The following CACNA1D variants were observed in gnomAD, a reference collection of about 807,000 sequenced individuals.
CACNA1D encodes the protein voltage-dependent L-type calcium channel subunit alpha-1D.
Under a neutral mutation model 257.1 loss-of-function variants are expected in CACNA1D, and 55 were observed. The ratio of observed to expected loss-of-function variants is 0.21; its 90% CI spans 0.17 to 0.27. The LOEUF (loss-of-function observed/expected upper bound fraction) is 0.27. Ranked by LOEUF, CACNA1D falls within the 10% of genes least tolerant of loss-of-function variation. The pLI is 1.00. For synonymous variants in CACNA1D, 980 were observed against 1,014.9 expected (o/e 0.97, Z 0.65); for missense variants, 1,876 against 2,784.0 (o/e 0.67, Z 7.34).
At chr3:53,739,704 G>A (rs1219740722) in intron 20 of CACNA1D, among the ~76,000 whole-genome samples, 1 of 152,196 alleles carries the variant, frequency 6.6e-6, no homozygotes, top group African/African-American at 2.4e-5. Context: ...GCAGGAGTCT[G>A]TAAAACCATC....
chr3:53,722,405 G>A lies in CACNA1D; in HGVS notation c.1597G>A (p.Val533Met). ...GTTTTACTGGCTGGTTATCGTCCTGGTGTTTCTGAACACCTTAACCATTTC... is the reference window on the plus strand; with the variant it reads ...GTTTTACTGGCTGGTTATCGTCCTGATGTTTCTGAACACCTTAACCATTTC... ...VTFYWLVIVL[V>M]FLNTLTISSE... Residue 533 changes from valine to methionine, a missense_variant, in exon 12 of 48, where the codon GTG becomes ATG. Val to Met is a conservative substitution (Grantham distance 21). This residue lies in a region of CACNA1D where 257 missense variants were observed against 399.7 expected (regional missense o/e 0.64). Transcript: ENST00000350061. The A allele has an allele frequency of 6.2e-7, 1 of 1,614,196 alleles. No homozygotes were observed. Among genetic ancestry groups the A allele is most frequent in the Non-Finnish European group, 8.5e-7 (1 of 1,180,024 alleles).
chr3:53,746,876 G>A (rs1210578752), intron 25 of CACNA1D, among the ~76,000 whole-genome samples: 4 of 152,208 alleles, frequency 2.6e-5, no homozygotes, highest in East Asian at 1.9e-4. Flanking sequence ...TTAGTAAGAA[G>A]AGAAAGGGAT....
chr3:53,682,566 A>G (rs186843920), intron 8 of CACNA1D, among the ~76,000 whole-genome samples: 5 of 150,952 alleles, frequency 3.3e-5, no homozygotes, highest in African/African-American at 4.8e-5. Flanking sequence ...TAAAAAAAAA[A>G]AAGAAGAAGA....
intron 2 of CACNA1D, among the ~76,000 whole-genome samples, chr3:53,497,868 ACT>A (rs765390637): frequency 1.6e-4 from 25 of 152,096 alleles, no homozygotes; most frequent in Non-Finnish European, 3.4e-4. Flanking sequence ...ACTGTATAAG[ACT>A]CTGTTTGAAG....
At chr3:53,760,142 C>T (rs917492483) in intron 29 of CACNA1D, among the ~76,000 whole-genome samples, 10 of 152,058 alleles carry the variant, frequency 6.6e-5, no homozygotes, top group Admixed American at 3.3e-4. Flanking sequence ...GAAACCACGG[C>T]GGTTGGGTGG....
intron 3 of CACNA1D, among the ~76,000 whole-genome samples, chr3:53,533,854 A>G (rs145710397): frequency 2.3e-3 from 355 of 152,324 alleles, no homozygotes; most frequent in Non-Finnish European, 3.8e-3. Flanking sequence ...ATTTCCTTCA[A>G]TACGCTGGGT....
Position 53,495,130 on chromosome 3 carries a change from G to A in CACNA1D, c.-37G>A, listed in dbSNP as rs754323311. 1 of 1,478,270 alleles carries A rather than the reference G, an allele frequency of 6.8e-7. No homozygotes were observed. The highest frequency in any genetic ancestry group is 1.7e-5 in the Admixed American group (1 of 59,166). The allele number at this position is 1,478,270 out of a possible 1,614,324, so 91.6% of individuals were successfully genotyped here. ...CCCCCGCCTCAACGCCCAGCACAGT[G>A]CCCTGCACACAGTAGTCGCTCAATA... On this transcript the variant is annotated 5_prime_UTR_variant, in exon 1 of 48. Transcript: ENST00000350061. The surrounding 1 kb of genome is among the most constrained non-coding windows in gnomAD (Gnocchi z 5.1).
At chr3:53,582,292 C>G (rs1345171395) in intron 3 of CACNA1D, among the ~76,000 whole-genome samples, 3 of 152,090 alleles carry the variant, frequency 2.0e-5, no homozygotes, top group Non-Finnish European at 4.4e-5. Context: ...GTGGAAGATT[C>G]AGCAGATGTG....
At chr3:53,671,330 G>A (rs977549297) in intron 7 of CACNA1D, among the ~76,000 whole-genome samples, 6 of 152,094 alleles carry the variant, frequency 3.9e-5, no homozygotes, top group Non-Finnish European at 5.9e-5. Flanking sequence ...CTGCCCTCCC[G>A]TCACCTTGTT....
At chr3:53,505,400 C>T (rs1173172984) in intron 3 of CACNA1D, among the ~76,000 whole-genome samples, 1 of 152,150 alleles carries the variant, frequency 6.6e-6, no homozygotes, top group Non-Finnish European at 1.5e-5. Context: ...TGAGCCACCG[C>T]GCCTGGCCTA....
At chr3:53,698,305 C>G (rs1211858613) in intron 8 of CACNA1D, among the ~76,000 whole-genome samples, 1 of 152,226 alleles carries the variant, frequency 6.6e-6, no homozygotes, top group Non-Finnish European at 1.5e-5. Context: ...CATGTACTCA[C>G]TGGCTAAATC....
intron 45 of CACNA1D, chr3:53,807,484 G>A (rs1412930275): frequency 6.6e-6 from 1 of 152,320 alleles, no homozygotes; most frequent in Non-Finnish European, 1.5e-5. Flanking sequence ...TCCTCCCCTG[G>A]CTAGGCCCTG....
At chr3:53,803,787 C>T (rs2095548184) in intron 44 of CACNA1D, among the ~76,000 whole-genome samples, 2 of 152,258 alleles carry the variant, frequency 1.3e-5, no homozygotes. Context: ...TGCCTTATTT[C>T]CACTAGGGGC....
intron 3 of CACNA1D, among the ~76,000 whole-genome samples, chr3:53,622,463 C>T (rs2093707308): frequency 6.6e-6 from 1 of 152,080 alleles, no homozygotes; most frequent in Admixed American, 6.5e-5. Flanking sequence ...AAGATCATGC[C>T]CTTTGCAGGG....
chr3:53,630,585 G>A (rs987972019), intron 3 of CACNA1D, among the ~76,000 whole-genome samples: 3 of 152,204 alleles, frequency 2.0e-5, no homozygotes, highest in Non-Finnish European at 2.9e-5. Flanking sequence ...GAACAAAAAC[G>A]TGTAAGCTCT....
intron 3 of CACNA1D, among the ~76,000 whole-genome samples, chr3:53,563,525 C>A (rs569139169): frequency 8.8e-6 from 1 of 114,260 alleles, no homozygotes; most frequent in East Asian, 2.2e-4. Flanking sequence ...GAGGGCGAGA[C>A]TCTGTCTCAA....
At chr3:53,679,972 T>C (rs1288378159) in intron 8 of CACNA1D, among the ~76,000 whole-genome samples, 1 of 152,230 alleles carries the variant, frequency 6.6e-6, no homozygotes, top group African/African-American at 2.4e-5. Flanking sequence ...ATAAAGAACC[T>C]AGCTAAACAT....
At chr3:53,692,540 C>T (rs2094537909) in intron 8 of CACNA1D, among the ~76,000 whole-genome samples, 1 of 152,176 alleles carries the variant, frequency 6.6e-6, no homozygotes, top group Non-Finnish European at 1.5e-5. Context: ...CATTCCTTCA[C>T]TCCATCCCTA....
At position 53,670,728 on chromosome 3, in the gene CACNA1D, T is replaced by A. The variant is rs553872850; in HGVS notation, c.1117-2295T>A. ...ACCAGATGACACCCCTTGATGACTT[T>A]GATATAAGTTTTTTAAAAATTAGTC... On this transcript the variant is annotated intron_variant, in intron 7 of 47. Coordinates refer to ENST00000350061, the MANE Select transcript of CACNA1D (RefSeq NM_001128840.3). Among the ~76,000 whole-genome samples, 50 of 152,294 alleles carry A rather than the reference T, an allele frequency of 3.3e-4. No homozygotes were observed. In the South Asian group the frequency reaches 0.01, roughly 31 times the overall value.
Sources: allele counts gnomAD v4.1 joint callset (sites outside exome capture counted in the v4.1 genomes callset), GRCh38; gene constraint gnomAD v4.1.1; regional missense constraint gnomAD v4.1.1; non-coding constraint Gnocchi (gnomAD v3.1); transcripts MANE v1.5; gene names NCBI Gene and HGNC (gene_info 2026-07-23, HGNC 2026-07-21).